The following LIPJ variants were observed in gnomAD, a reference collection of about 807,000 sequenced individuals.
The protein encoded by LIPJ is lipase family member J.
A neutral mutation model predicts 39.8 loss-of-function variants in LIPJ; 33 were observed. The ratio of observed to expected loss-of-function variants is 0.83; its 90% CI spans 0.63 to 1.11. LIPJ has a LOEUF of 1.11. LIPJ is among the 50% of genes least tolerant of loss of function. The pLI is 0.00. For synonymous variants in LIPJ, 128 were observed against 139.2 expected (o/e 0.92, Z 0.57); for missense variants, 422 against 427.9 (o/e 0.99, Z 0.12).
chr10:88,603,347 T>C (rs1275617548), intron 9 of LIPJ, among the ~76,000 whole-genome samples: 1 of 152,162 alleles, frequency 6.6e-6, no homozygotes, highest in Non-Finnish European at 1.5e-5. Flanking sequence ...CACTTTCTCC[T>C]CCGTTAAATT....
Position 88,602,410 on chromosome 10 carries a change from T to C in LIPJ, c.724-166T>C, listed in dbSNP as rs528983713. ...CTATATTAATTTAAAAATTGTACAATTGAATAAGTATATTTAATTAAAATA... is the reference window on the plus strand; with the variant it reads ...CTATATTAATTTAAAAATTGTACAACTGAATAAGTATATTTAATTAAAATA... On this transcript the variant is annotated intron_variant, in intron 8 of 10. Coordinates refer to ENST00000371939, the Ensembl canonical transcript of LIPJ. Among the ~76,000 whole-genome samples the C allele has an allele frequency of 2.0e-5, 3 of 152,140 alleles. No individual in the cohort carries two copies. The East Asian group carries it at 5.8e-4, about 29-fold the overall frequency.
At chr10:88,594,312 A>C (rs1851180153) in intron 5 of LIPJ, 168 bp downstream of exon 5, 1 of 588,576 alleles carries the variant, frequency 1.7e-6, no homozygotes, top group South Asian at 2.3e-5. Context: ...TACTTGTGTG[A>C]TTTTGAGTTT....
chr10:88,583,191 G>A (rs201610883), upstream of LIPJ: 802 of 1,613,862 alleles, frequency 5.0e-4, 1 homozygote, highest in Non-Finnish European at 6.5e-4. Flanking sequence ...CCTGCGCCAT[G>A]GCGAGAGGGA....
At chr10:88,613,418 A>G in the LIPJ span, among the ~76,000 whole-genome samples, 1 of 152,052 alleles carries the variant, frequency 6.6e-6, no homozygotes, top group Non-Finnish European at 1.5e-5. Flanking sequence ...GGTAGCATAT[A>G]TGAGAGATGG....
At chr10:88,613,770 G>GTATATATATATATATATATATATATA in the LIPJ span, among the ~76,000 whole-genome samples, 13 of 75,504 alleles carry the variant, frequency 1.7e-4, no homozygotes, top group South Asian at 4.4e-4. Context: ...ATGTGTGTGT[G>GTATATATATATATATATATATATATA]TATATATATA....
At chr10:88,601,834 G>A (rs1269762850) in intron 8 of LIPJ, among the ~76,000 whole-genome samples, 4 of 152,030 alleles carry the variant, frequency 2.6e-5, no homozygotes, top group African/African-American at 9.7e-5. Flanking sequence ...CTGATTTTGA[G>A]AAATTTTTAC....
chr10:88,596,798 A>G, exon 8 of LIPJ: 2 of 1,599,082 alleles, frequency 1.3e-6, no homozygotes, highest in Non-Finnish European at 8.5e-7. Flanking sequence ...AGGCTTTTTC[A>G]GGCAACAAAG....
At chr10:88,623,099 G>A in the LIPJ span, among the ~76,000 whole-genome samples, 1 of 152,060 alleles carries the variant, frequency 6.6e-6, no homozygotes, top group Non-Finnish European at 1.5e-5. Context: ...GCAAATCCTG[G>A]CCAATTATAA....
chr10:88,583,135 A>G (rs1301181612), upstream of LIPJ: 1 of 1,613,970 alleles, frequency 6.2e-7, no homozygotes, highest in Non-Finnish European at 8.5e-7. Context: ...CCTCCTCAGC[A>G]GCGCAGCGCA....
At chr10:88,588,945 T>C (rs1850997929) in intron 2 of LIPJ, among the ~76,000 whole-genome samples, 3 of 151,818 alleles carry the variant, frequency 2.0e-5, no homozygotes, top group African/African-American at 7.2e-5. Context: ...CAACTATATA[T>C]CAAAGGCTTA....
the LIPJ span, among the ~76,000 whole-genome samples, chr10:88,619,805 A>G: frequency 6.6e-6 from 1 of 152,230 alleles, no homozygotes; most frequent in South Asian, 2.1e-4. Context: ...AAACTTCTAT[A>G]GAAAACATGG....
At chr10:88,618,046 C>T in the LIPJ span, among the ~76,000 whole-genome samples, 2 of 152,024 alleles carry the variant, frequency 1.3e-5, no homozygotes, top group Non-Finnish European at 2.9e-5. Context: ...ATAATGCTTT[C>T]GGGCCTGGAA....
the LIPJ span, among the ~76,000 whole-genome samples, chr10:88,619,452 G>GA: frequency 4.8e-5 from 1 of 20,850 alleles, no homozygotes; most frequent in Admixed American, 5.2e-4. Flanking sequence ...TCCCCCTCTT[G>GA]CCACACACAC....
At chr10:88,583,358 G>A, upstream of LIPJ, 3 of 1,402,672 alleles carry the variant, frequency 2.1e-6, no homozygotes, top group South Asian at 4.7e-5. Context: ...CGGAAAGGAG[G>A]CGGCCGGAGC....
downstream of LIPJ, among the ~76,000 whole-genome samples, chr10:88,610,002 C>G (rs1218750412): frequency 6.6e-6 from 1 of 152,020 alleles, no homozygotes; most frequent in African/African-American, 2.4e-5. Flanking sequence ...CTAAAAGCCC[C>G]CCAATTAATG....
At chr10:88,591,144 G>GTTTA (rs1177603342) in intron 3 of LIPJ, among the ~76,000 whole-genome samples, 4 of 151,496 alleles carry the variant, frequency 2.6e-5, no homozygotes, top group Non-Finnish European at 5.9e-5. Flanking sequence ...TTGTTTGTTT[G>GTTTA]TTTATTTATT....
chr10:88,618,748 A>G, the LIPJ span: 1 of 168,436 alleles, frequency 5.9e-6, no homozygotes, highest in Non-Finnish European at 1.3e-5. Context: ...AATCTCAGTT[A>G]TGGGCATCTG....
upstream of LIPJ, chr10:88,583,278 G>T (rs1042094311): frequency 1.3e-6 from 2 of 1,563,380 alleles, no homozygotes; most frequent in Non-Finnish European, 1.7e-6. Flanking sequence ...ACCGGCGCTA[G>T]CGCTCTTTGG....
At chr10:88,613,893 T>TA in the LIPJ span, among the ~76,000 whole-genome samples, 1 of 147,446 alleles carries the variant, frequency 6.8e-6, no homozygotes, top group South Asian at 2.1e-4. Context: ...CATATATATG[T>TA]AAAAATTATA....
Sources: gnomAD v4.1 joint callset for allele counts (sites outside exome capture counted in the v4.1 genomes callset) on GRCh38, gnomAD v4.1.1 for gene constraint, MANE v1.5 for transcripts, NCBI Gene and HGNC (gene_info 2026-07-23, HGNC 2026-07-21) for gene names.